Variants in CD96 observed in about 807,000 individuals in gnomAD.
The protein encoded by CD96 is CD96 molecule.
Under a neutral mutation model 71.3 loss-of-function variants are expected in CD96, and 70 were observed. That is an observed-to-expected ratio of 0.98 (90% CI 0.81 to 1.20). CD96 has a LOEUF of 1.20. CD96 is among the 50% of genes most tolerant of loss of function. The pLI, the probability that CD96 is intolerant of heterozygous loss-of-function variation, is 0.00. For synonymous variants in CD96, 248 were observed against 233.0 expected (o/e 1.06, Z -0.59); for missense variants, 742 against 677.5 (o/e 1.10, Z -1.06).
At chr3:111,603,047 G>C (rs780512907) in intron 7 of CD96, among the ~76,000 whole-genome samples, 3 of 152,098 alleles carry the variant, frequency 2.0e-5, no homozygotes, top group Admixed American at 6.6e-5. Flanking sequence ...ATGGGATTAG[G>C]GTTAGGGTGA....
At chr3:111,548,693 T>C (rs887035800) in intron 2 of CD96, among the ~76,000 whole-genome samples, 4 of 152,190 alleles carry the variant, frequency 2.6e-5, no homozygotes, top group Non-Finnish European at 4.4e-5. Flanking sequence ...TTAATGTTAT[T>C]GGAAGCAGTA....
At chr3:111,598,242 G>T in intron 6 of CD96, 32 bp downstream of exon 6, 1 of 903,872 alleles carries the variant, frequency 1.1e-6, no homozygotes, top group Non-Finnish European at 1.9e-6. Context: ...AATAAGTTCG[G>T]TACAAAAAGA....
Position 111,651,896 on chromosome 3 carries a change from A to AAGAAAGAAAG in CD96, c.*2091_*2092insGAAAGAAAGA, listed in dbSNP as rs1553713920. On this transcript the variant is annotated 3_prime_UTR_variant, in exon 14 of 14. Transcript: ENST00000352690. ...GAGACTCCGCCTCAAAAAAAAAAAA[A>AAGAAAGAAAG]AAAGAAAGAAAGAAAGAAAGAAAGA... 1 of 146,386 alleles carries AAGAAAGAAAG rather than the reference A, an allele frequency of 6.8e-6. No individual in the cohort carries two copies. The highest frequency in any genetic ancestry group is 1.5e-5 in the Non-Finnish European group (1 of 66,842). 9.1% of individuals were successfully genotyped at this position (146,386 alleles called of 1,614,324 possible).
intron 5 of CD96, among the ~76,000 whole-genome samples, chr3:111,586,778 C>T (rs1434589926): frequency 6.6e-6 from 1 of 152,150 alleles, no homozygotes; most frequent in Non-Finnish European, 1.5e-5. Context: ...AATTACCTCC[C>T]ACCAGGTCCC....
rs76361131 is a variant in CD96 at position 111,594,572 on chromosome 3, C to T, written c.808-3548C>T. ...TCAGTGTTTTCTGCATCAACCACCA[C>T]GACAGGTATTTTTGAATATTGAAAA... On this transcript the variant is annotated intron_variant, in intron 5 of 13. Transcript: ENST00000352690. 93 of 202,544 alleles carry T rather than the reference C, an allele frequency of 4.6e-4. 3 individuals are homozygous for T. The East Asian group carries it at 0.012, about 26-fold the overall frequency. 12.5% of individuals were successfully genotyped at this position (202,544 alleles called of 1,614,324 possible). A position where few individuals can be genotyped will look rare whatever the true frequency, so the allele number is the denominator to read the frequency against.
At chr3:111,560,259 A>G (rs552897505) in intron 2 of CD96, among the ~76,000 whole-genome samples, 1 of 151,638 alleles carries the variant, frequency 6.6e-6, no homozygotes, top group South Asian at 2.1e-4. Flanking sequence ...TTATGATGTT[A>G]GCTGGTGATT....
chr3:111,594,194 CTCA>C (rs1245678144), intron 5 of CD96: 7 of 1,591,362 alleles, frequency 4.4e-6, no homozygotes, highest in Middle Eastern at 1.7e-4. Flanking sequence ...GTCTTCCCGC[CTCA>C]TCATGTCACC....
intron 9 of CD96, 136 bp from the exon 10 acceptor site, chr3:111,624,197 G>A: frequency 2.8e-6 from 2 of 715,688 alleles, no homozygotes; most frequent in Non-Finnish European, 5.1e-6. Context: ...GCCAGCTAGT[G>A]TTCCTGCATA....
chr3:111,640,434 A>C (rs1939537785), intron 12 of CD96, among the ~76,000 whole-genome samples: 2 of 152,316 alleles, frequency 1.3e-5, no homozygotes, highest in Admixed American at 6.5e-5. Context: ...TGTCCAACAA[A>C]GACAAAGAAA....
At chr3:111,578,080 A>C (rs1332402719) in intron 3 of CD96, among the ~76,000 whole-genome samples, 1 of 152,204 alleles carries the variant, frequency 6.6e-6, no homozygotes, top group Non-Finnish European at 1.5e-5. Context: ...AGAGTGTTTT[A>C]AAAGCAGCTC....
In CD96 at chr3:111,652,230, T is replaced by G. The variant is rs1218008795; in HGVS notation, c.*2424T>G. On this transcript the variant is annotated 3_prime_UTR_variant, in exon 14 of 14. Transcript: ENST00000352690. ...TCAACAACTAGAAAAATAAACTGTTTACCTGCCTTAATTATTTATCTTTAG... is the reference window on the plus strand; with the variant it reads ...TCAACAACTAGAAAAATAAACTGTTGACCTGCCTTAATTATTTATCTTTAG... 3 of 152,222 alleles carry G rather than the reference T, an allele frequency of 2.0e-5. No homozygotes were observed. The highest frequency in any genetic ancestry group is 7.2e-5 in the African/African-American group (3 of 41,464). 9.4% of individuals were successfully genotyped at this position (152,222 alleles called of 1,614,324 possible). A position where few individuals can be genotyped will look rare whatever the true frequency, so the allele number is the denominator to read the frequency against.
chr3:111,637,315 G>T (rs1465587175), intron 11 of CD96, 54 bp downstream of exon 11: 22 of 939,284 alleles, frequency 2.3e-5, no homozygotes, highest in Non-Finnish European at 3.5e-5. Context: ...AGCTTTATTT[G>T]GACACAGGTG....
At chr3:111,543,935 T>C (rs1393687334) in intron 1 of CD96, among the ~76,000 whole-genome samples, 1 of 152,238 alleles carries the variant, frequency 6.6e-6, no homozygotes, top group African/African-American at 2.4e-5. Context: ...GCAAGCCTGC[T>C]TTCTTTGTCA....
At position 111,594,402 on chromosome 3, in the gene CD96, A is replaced by G. The variant is rs1937157413; in HGVS notation, c.808-3718A>G. On this transcript the variant is annotated intron_variant, in intron 5 of 13. Transcript: ENST00000352690. Reference sequence around the variant, plus strand: ...CTGGAGAGTCAGGGGTGAGTCAGATACAAGCAAAACAGCCCAAGAGTGCAT... The same window carrying G: ...CTGGAGAGTCAGGGGTGAGTCAGATGCAAGCAAAACAGCCCAAGAGTGCAT... 5 of 556,996 alleles carry G rather than the reference A, an allele frequency of 9.0e-6. No homozygotes were observed. In the South Asian group the frequency reaches 1.8e-4, roughly 20 times the overall value. The allele number at this position is 556,996 out of a possible 1,614,324, so 34.5% of individuals were successfully genotyped here.
chr3:111,648,451 G>C (rs903556287), intron 13 of CD96, among the ~76,000 whole-genome samples: 2 of 152,258 alleles, frequency 1.3e-5, no homozygotes, highest in African/African-American at 4.8e-5. Flanking sequence ...CACTAAACCA[G>C]TAGTTAGAAA....
At chr3:111,607,530 C>T (rs1168838617) in intron 8 of CD96, among the ~76,000 whole-genome samples, 1 of 152,154 alleles carries the variant, frequency 6.6e-6, no homozygotes, top group Non-Finnish European at 1.5e-5. Flanking sequence ...ACCATGGTGA[C>T]TCTCTAATAC....
At chr3:111,593,859 G>C in intron 5 of CD96, 1 of 1,613,860 alleles carries the variant, frequency 6.2e-7, no homozygotes, top group South Asian at 1.1e-5. Flanking sequence ...GCCTGACCAT[G>C]GCCACTCTTC....
intron 2 of CD96, among the ~76,000 whole-genome samples, chr3:111,559,096 CT>C (rs1353658464): frequency 2.0e-5 from 3 of 151,290 alleles, no homozygotes; most frequent in Admixed American, 6.6e-5. Flanking sequence ...ATTCTTCTCT[CT>C]TTTTTTCTTT....
At chr3:111,634,572 C>T (rs1318072079) in intron 10 of CD96, 3 of 152,154 alleles carry the variant, frequency 2.0e-5, no homozygotes, top group Non-Finnish European at 4.4e-5. Context: ...ATAATGTTGC[C>T]TTGAAGTACA....
Sources: gnomAD v4.1 joint callset for allele counts (sites outside exome capture counted in the v4.1 genomes callset) on GRCh38, gnomAD v4.1.1 for gene constraint, MANE v1.5 for transcripts, NCBI Gene and HGNC (gene_info 2026-07-23, HGNC 2026-07-21) for gene names.